OTOGL: variants seen among roughly 807,000 people sequenced by gnomAD.
OTOGL encodes the protein otogelin like.
Under a neutral mutation model 318.5 loss-of-function variants are expected in OTOGL, and 285 were observed. The observed-to-expected ratio is 0.89, with a 90% CI of 0.81 to 0.99. The LOEUF (loss-of-function observed/expected upper bound fraction) is 0.99. Among genes scored for constraint, OTOGL ranks in the 50% least tolerant of loss-of-function variants. OTOGL has a pLI of 0.00. For synonymous variants in OTOGL, 987 were observed against 936.5 expected (o/e 1.05, Z -0.99); for missense variants, 2,899 against 2,845.6 (o/e 1.02, Z -0.43).
At chr12:80,227,023 T>C (rs865981706) in intron 7 of OTOGL, among the ~76,000 whole-genome samples, 1 of 152,336 alleles carries the variant, frequency 6.6e-6, no homozygotes, top group African/African-American at 2.4e-5. Context: ...TTTGTAATTA[T>C]GTGAATTTCC....
At chr12:80,114,705 T>C (rs1870054586) in intron 1 of OTOGL, among the ~76,000 whole-genome samples, 1 of 152,174 alleles carries the variant, frequency 6.6e-6, no homozygotes, top group Admixed American at 6.5e-5. Context: ...TCCTGAAGTG[T>C]GTTTTTTCAA....
intron 17 of OTOGL, 63 bp downstream of exon 17, chr12:80,256,523 A>AACAAACAC: frequency 6.6e-7 from 1 of 1,505,268 alleles, no homozygotes; most frequent in Admixed American, 2.0e-5. Context: ...CAAACAAACA[A>AACAAACAC]CACACGCAAA....
intron 1 of OTOGL, among the ~76,000 whole-genome samples, chr12:80,202,869 CT>C (rs1201789804): frequency 1.3e-5 from 2 of 152,074 alleles, no homozygotes; most frequent in Non-Finnish European, 2.9e-5. Context: ...CAGAATAGCT[CT>C]TTTTTTGGTT....
chr12:80,149,618 T>C (rs1872639792), intron 1 of OTOGL, among the ~76,000 whole-genome samples: 1 of 152,178 alleles, frequency 6.6e-6, no homozygotes, highest in Non-Finnish European at 1.5e-5. Flanking sequence ...TCCTGGCTGC[T>C]TTGTTTACCT....
chr12:80,136,707 CT>C (rs778334261), intron 1 of OTOGL, among the ~76,000 whole-genome samples: 1 of 152,168 alleles, frequency 6.6e-6, no homozygotes, highest in Non-Finnish European at 1.5e-5. Flanking sequence ...CCAGGGAGGG[CT>C]TTCCTGACCA....
intron 1 of OTOGL, among the ~76,000 whole-genome samples, chr12:80,102,486 T>C (rs1201224970): frequency 6.6e-6 from 1 of 152,196 alleles, no homozygotes; most frequent in African/African-American, 2.4e-5. Flanking sequence ...TATGTCCACT[T>C]GATTACCAAG....
intron 19 of OTOGL, among the ~76,000 whole-genome samples, chr12:80,264,169 G>A (rs1321477508): frequency 6.6e-6 from 1 of 152,044 alleles, no homozygotes. Flanking sequence ...GGAAACCAAG[G>A]AAAACTAGGT....
Position 80,296,961 on chromosome 12 carries a change from G to C in OTOGL, c.3063G>C (p.Gln1021His), listed in dbSNP as rs369700813. Residue 1021 changes from glutamine to histidine, a missense_variant and splice_region_variant, in exon 27 of 59, where the codon CAG (glutamine) becomes CAC (histidine). Around this residue, in one of 3 missense-constraint regions of OTOGL, gnomAD observed 2,607 missense variants for 2,524.9 expected, o/e 1.03. Transcript: ENST00000547103. ...EIYLNDTPYK[Q>H]KQSGFFLENK... ...ACCTGAATGATACTCCTTACAAACA[G>C]GTTAGTGAATTATTTCTTTCAGGAT... 1.9e-5 allele frequency: 29 copies of C among 1,538,696 alleles called. No individual in the cohort carries two copies. The highest frequency in any genetic ancestry group is 2.5e-5 in the Non-Finnish European group (29 of 1,142,276).
At chr12:80,179,306 C>A (rs1044760837) in intron 1 of OTOGL, among the ~76,000 whole-genome samples, 13 of 152,116 alleles carry the variant, frequency 8.5e-5, no homozygotes, top group East Asian at 1.9e-4. Flanking sequence ...TAACTCACTC[C>A]TGATGTTGAC....
chr12:80,103,664 C>A (rs2137067218), intron 1 of OTOGL, among the ~76,000 whole-genome samples: 1 of 152,332 alleles, frequency 6.6e-6, no homozygotes, highest in African/African-American at 2.4e-5. Flanking sequence ...TACCACCTAG[C>A]AGAGTGCCTT....
At chr12:80,180,413 A>G (rs147984032) in intron 1 of OTOGL, among the ~76,000 whole-genome samples, 34 of 152,340 alleles carry the variant, frequency 2.2e-4, no homozygotes, top group Non-Finnish European at 3.4e-4. Context: ...TAATATCAAA[A>G]GCCCATGGGC....
At chr12:80,367,889 A>T in intron 54 of OTOGL, 150 bp downstream of exon 54, 1 of 629,718 alleles carries the variant, frequency 1.6e-6, no homozygotes, top group Non-Finnish European at 2.4e-6. Flanking sequence ...TATCAATAAA[A>T]CACAGACTTT....
chr12:80,212,490 T>G (rs541646724), intron 4 of OTOGL, among the ~76,000 whole-genome samples: 2 of 152,326 alleles, frequency 1.3e-5, no homozygotes, highest in South Asian at 4.1e-4. Context: ...TAGGTAACTT[T>G]TTTTTGGAGG....
Position 80,336,936 on chromosome 12 carries a change from C to A in OTOGL, c.4792C>A (p.Leu1598Ile). The A allele has an allele frequency of 6.3e-7, 1 of 1,592,728 alleles. No individual in the cohort carries two copies. Among genetic ancestry groups the A allele is most frequent in the Non-Finnish European group, 8.6e-7 (1 of 1,168,304 alleles). ...KLAPSGRISG[L>I]CFKKLNVTTP... ...GGCTCCCTCTGGAAGAATCTCTGGA[C>A]TTTGTTTTAAGAAGTTAAATGTGAC... Residue 1598 changes from leucine (L) to isoleucine (I), a missense_variant, in exon 42 of 59, where the codon CTT (leucine) becomes ATT (isoleucine). Coordinates refer to ENST00000547103, the MANE Select transcript of OTOGL (RefSeq NM_001378609.3).
intron 11 of OTOGL, among the ~76,000 whole-genome samples, chr12:80,243,950 T>C (rs530618067): frequency 1.3e-3 from 201 of 150,428 alleles, no homozygotes; most frequent in African/African-American, 4.3e-3. Context: ...TCCTTTAGTC[T>C]AAAGGCTTCA....
intron 1 of OTOGL, among the ~76,000 whole-genome samples, chr12:80,200,970 A>G (rs998817974): frequency 6.6e-6 from 1 of 152,194 alleles, no homozygotes; most frequent in African/African-American, 2.4e-5. Flanking sequence ...GTTTAAATTT[A>G]ATCTAGAAGA....
chr12:80,121,877 G>A (rs1374509662), intron 1 of OTOGL, among the ~76,000 whole-genome samples: 3 of 152,148 alleles, frequency 2.0e-5, no homozygotes, highest in Non-Finnish European at 4.4e-5. Context: ...TTGGAGGTGT[G>A]CCTGAGTTGC....
intron 1 of OTOGL, among the ~76,000 whole-genome samples, chr12:80,104,002 A>G (rs143865493): frequency 1.6e-4 from 25 of 152,306 alleles, no homozygotes; most frequent in Non-Finnish European, 3.1e-4. Context: ...TTCCCTGTTG[A>G]CTTAATCCCA....
chr12:80,125,180 T>C (rs1441750223), intron 1 of OTOGL, among the ~76,000 whole-genome samples: 2 of 152,220 alleles, frequency 1.3e-5, no homozygotes, highest in Non-Finnish European at 2.9e-5. Context: ...GGGTTTGTCA[T>C]AGATAGCTCT....
Sources: gnomAD v4.1 joint callset for allele counts (sites outside exome capture counted in the v4.1 genomes callset) on GRCh38, gnomAD v4.1.1 for gene constraint, gnomAD v4.1.1 regional missense constraint, MANE v1.5 for transcripts, NCBI Gene and HGNC (gene_info 2026-07-23, HGNC 2026-07-21) for gene names.